Variants in POLN observed in about 807,000 individuals in gnomAD.
The protein encoded by POLN is DNA polymerase N.
A neutral mutation model predicts 113.5 loss-of-function variants in POLN; 108 were observed. The observed-to-expected ratio is 0.95, with a 90% CI of 0.81 to 1.12. The LOEUF is 1.12. Among genes scored for constraint, POLN ranks in the 50% most tolerant of loss-of-function variants. POLN has a pLI of 0.00. For missense variants in POLN, 1,097 were observed against 1,077.1 expected (o/e 1.02, Z -0.26); for synonymous variants, 386 against 391.5 (o/e 0.99, Z 0.17).
At chr4:2,153,101 A>AGC (rs1466808913) in intron 16 of POLN, among the ~76,000 whole-genome samples, 1 of 152,266 alleles carries the variant, frequency 6.6e-6, no homozygotes, top group Non-Finnish European at 1.5e-5. Context: ...GAACACAAAT[A>AGC]GCTAGAGTGG....
chr4:2,240,146 G>A (rs186447762), intron 2 of POLN: 16 of 1,613,606 alleles, frequency 9.9e-6, no homozygotes, highest in African/African-American at 1.3e-5. Flanking sequence ...AAATGTATGC[G>A]AGCTGCAGTC....
intron 19 of POLN, among the ~76,000 whole-genome samples, chr4:2,123,308 G>A (rs565335911): frequency 6.6e-6 from 1 of 151,416 alleles, no homozygotes; most frequent in African/African-American, 2.4e-5. Context: ...TGGCCAACAT[G>A]GCGAAACCTC....
intron 13 of POLN, among the ~76,000 whole-genome samples, chr4:2,167,917 T>A (rs953343671): frequency 2.6e-5 from 4 of 152,114 alleles, no homozygotes; most frequent in African/African-American, 4.8e-5. Flanking sequence ...ATTTTTTTTT[T>A]AGAAATCAAT....
intron 3 of POLN, among the ~76,000 whole-genome samples, chr4:2,223,021 G>C (rs974360315): frequency 1.3e-5 from 2 of 152,182 alleles, no homozygotes; most frequent in African/African-American, 4.8e-5. Context: ...ACTGAGATTT[G>C]TCAGCAGAAA....
chr4:2,239,035 G>A (rs1734876378), intron 2 of POLN: 1 of 1,520,680 alleles, frequency 6.6e-7, no homozygotes, highest in Non-Finnish European at 8.8e-7. Context: ...AATTTTCTTT[G>A]TCCACAGCCT....
chr4:2,235,024 T>C (rs978370131), intron 2 of POLN, among the ~76,000 whole-genome samples: 1 of 152,216 alleles, frequency 6.6e-6, no homozygotes, highest in African/African-American at 2.4e-5. Flanking sequence ...TAGCTGGGAT[T>C]ACAGTCACCC....
intron 2 of POLN, 76 bp from the exon 3 acceptor site, chr4:2,229,319 C>A (rs1405354108): frequency 1.7e-6 from 2 of 1,203,668 alleles, no homozygotes; most frequent in Non-Finnish European, 2.3e-6. Flanking sequence ...CAATTATTTT[C>A]AAAAATTTAT....
intron 2 of POLN, among the ~76,000 whole-genome samples, chr4:2,233,996 T>C (rs1179295821): frequency 3.3e-5 from 5 of 151,844 alleles, no homozygotes; most frequent in Non-Finnish European, 7.4e-5. Context: ...GATGAAAGTA[T>C]CCAACAACAA....
chr4:2,108,485 A>T (rs1178716650), intron 19 of POLN, among the ~76,000 whole-genome samples: 1 of 152,226 alleles, frequency 6.6e-6, no homozygotes, highest in East Asian at 1.9e-4. Context: ...GAATAAAAAG[A>T]GGGAGAGAAT....
At chr4:2,133,196 A>G (rs1731770666) in intron 16 of POLN, among the ~76,000 whole-genome samples, 1 of 151,124 alleles carries the variant, frequency 6.6e-6, no homozygotes, top group Non-Finnish European at 1.5e-5. Flanking sequence ...AGAAAGGGGG[A>G]ACTCTGATAT....
intron 16 of POLN, among the ~76,000 whole-genome samples, chr4:2,136,100 T>C (rs1577715103): frequency 6.6e-6 from 1 of 152,306 alleles, no homozygotes; most frequent in East Asian, 1.9e-4. Flanking sequence ...CCATGAACAT[T>C]TCATCTCCCA....
At chr4:2,234,487 T>C in intron 2 of POLN, 1 of 153,924 alleles carries the variant, frequency 6.5e-6, no homozygotes, top group Non-Finnish European at 1.5e-5. Flanking sequence ...GCACGTTTCC[T>C]GGGAAAATCA....
At chr4:2,142,612 A>C (rs1056090224) in intron 16 of POLN, among the ~76,000 whole-genome samples, 1 of 152,176 alleles carries the variant, frequency 6.6e-6, no homozygotes, top group African/African-American at 2.4e-5. Flanking sequence ...CTTTTTGCCT[A>C]ATGTGTCCCA....
intron 21 of POLN, among the ~76,000 whole-genome samples, chr4:2,082,424 G>A (rs1344732104): frequency 6.6e-6 from 1 of 152,190 alleles, no homozygotes. Context: ...CCTCAAGGAG[G>A]GGGATGTCTC....
chr4:2,136,685 T>C lies in POLN; in HGVS notation c.1732-5395A>G, dbSNP rs1354952149. Among the ~76,000 whole-genome samples, 3 of 152,146 alleles carry C rather than the reference T, an allele frequency of 2.0e-5. No homozygotes were observed. The South Asian group carries it at 6.2e-4, about 32-fold the overall frequency. On this transcript the variant is annotated intron_variant, in intron 16 of 25. Coordinates refer to ENST00000511885, the MANE Select transcript of POLN (RefSeq NM_181808.4). The stretch of plus-strand genomic sequence containing the variant: ...ATAGTCTCAGCTGTGGGTGAAGGGG[T>C]TGCGCCCAGGAGGTACATGAGCCCG...
At chr4:2,166,861 A>G (rs1300488175) in intron 13 of POLN, among the ~76,000 whole-genome samples, 3 of 152,092 alleles carry the variant, frequency 2.0e-5, no homozygotes, top group African/African-American at 7.2e-5. Flanking sequence ...CAGCTTGAAG[A>G]AGGCCTATCG....
At chr4:2,232,924 A>G (rs6599419) in intron 2 of POLN, among the ~76,000 whole-genome samples, 38,911 of 151,992 alleles carry the variant, frequency 0.26, 8,044 homozygotes, top group African/African-American at 0.56. Flanking sequence ...TTCTAGGCAT[A>G]GTCCACAAGT....
chr4:2,182,756 C>T (rs141591485), intron 7 of POLN, among the ~76,000 whole-genome samples: 6 of 150,816 alleles, frequency 4.0e-5, no homozygotes, highest in Non-Finnish European at 5.9e-5. Context: ...TTGGATTAAA[C>T]AATAGTTTCT....
intron 13 of POLN, among the ~76,000 whole-genome samples, chr4:2,168,470 G>T (rs1471286010): frequency 1.3e-5 from 2 of 152,262 alleles, no homozygotes; most frequent in Non-Finnish European, 2.9e-5. Context: ...ATCAAAGAGT[G>T]AGGCTAATAT....
Sources: allele counts gnomAD v4.1 joint callset (sites outside exome capture counted in the v4.1 genomes callset), GRCh38; gene constraint gnomAD v4.1.1; transcripts MANE v1.5; gene names NCBI Gene and HGNC (gene_info 2026-07-23, HGNC 2026-07-21).